CCM2L: variants seen among roughly 807,000 people sequenced by gnomAD.
CCM2L encodes CCM2 like scaffold protein, also known as cerebral cavernous malformations 2 protein-like.
A neutral mutation model predicts 54.1 loss-of-function variants in CCM2L; 36 were observed. The observed-to-expected ratio is 0.67, with a 90% confidence interval of 0.51 to 0.88. The LOEUF (loss-of-function observed/expected upper bound fraction) is 0.88. CCM2L is among the 40% of genes least tolerant of loss of function. The probability of loss-of-function intolerance (pLI) is 0.00; values close to 1 mark genes in which losing one functional copy is unlikely to be tolerated. For missense variants in CCM2L, 700 were observed against 812.1 expected (o/e 0.86, Z 1.68); for synonymous variants, 351 against 359.3 (o/e 0.98, Z 0.26).
At position 32,019,028 on chromosome 20, in the gene CCM2L, C is replaced by G. The variant is rs890773980; in HGVS notation, c.552C>G (p.Pro184=). 3.0e-6 allele frequency: 4 copies of G among 1,323,208 alleles called. No homozygotes were observed. The highest frequency in any genetic ancestry group is 4.2e-5 in the Admixed American group (1 of 23,908). The allele number at this position is 1,323,208 out of a possible 1,614,324, so 82.0% of individuals were successfully genotyped here. Residue 184 remains proline (P), a synonymous_variant, in exon 5 of 10, where the codon CCC becomes CCG. Transcript: ENST00000452892. ...ACCCCGGCCCGCCAGGCGGGGCGCC[C>G]GAGAAGCGGCGGGTGGGCACCGCGG... is the stretch of plus-strand genomic sequence containing the variant. ...GRDPGPPGGA[P]EKRRVGTAER...
chr20:32,022,723 A>G lies in CCM2L; in HGVS notation c.997A>G (p.Ser333Gly). Residue 333 changes from serine (S) to glycine (G), a missense_variant, in exon 6 of 10, where the codon AGT becomes GGT. Ser to Gly is a moderately conservative substitution (Grantham distance 56, BLOSUM62 0). Transcript: ENST00000452892. The part of the protein sequence containing the change: ...QVFQIIYGDQ[S>G]IECVDRAGYH... ...CTTCCAGATCATCTACGGGGACCAG[A>G]GTATTGAGTGTGTGGACCGGGCTGG... 6.2e-7 allele frequency: 1 copy of G among 1,614,110 alleles called. No individual in the cohort carries two copies. Among genetic ancestry groups the G allele is most frequent in the Middle Eastern group, 1.7e-4 (1 of 6,022 alleles).
At position 32,031,364 on chromosome 20, in the gene CCM2L, G is replaced by C; in HGVS notation, c.*50G>C. On this transcript the variant is annotated 3_prime_UTR_variant, in exon 10 of 10. Coordinates refer to ENST00000452892, the MANE Select transcript of CCM2L (RefSeq NM_001365692.1). ...CTCAGCAGCCCACCTCTGAGTCTCA[G>C]CTTTGCTTCGGGGACCCTATCCCCA... 8.2e-7 allele frequency: 1 copy of C among 1,220,324 alleles called. No individual in the cohort carries two copies. The highest frequency in any genetic ancestry group is 1.0e-6 in the Non-Finnish European group (1 of 956,906). 75.6% of individuals were successfully genotyped at this position (1,220,324 alleles called of 1,614,324 possible). A position where few individuals can be genotyped will look rare whatever the true frequency, so the allele number is the denominator to read the frequency against.
chr20:32,026,286 T>C (rs1302708656), intron 7 of CCM2L, among the ~76,000 whole-genome samples: 3 of 152,222 alleles, frequency 2.0e-5, no homozygotes, highest in Non-Finnish European at 4.4e-5. Flanking sequence ...GATAGAACTT[T>C]TTTTTCTTAT....
intron 1 of CCM2L, among the ~76,000 whole-genome samples, chr20:32,012,305 C>T (rs73102697): frequency 0.01 from 1,564 of 152,136 alleles, 9 homozygotes; most frequent in Middle Eastern, 0.017. Flanking sequence ...CGCCTGTAAT[C>T]GCAACACTTT....
Position 32,029,100 on chromosome 20 carries a change from G to A in CCM2L, c.1239G>A (p.Glu413=). Residue 413 remains glutamate (E), a synonymous_variant, in exon 8 of 10, where the codon GAG becomes GAA. Transcript: ENST00000452892. ...SGSDHSSLGL[E]QLQDYMVTLR... Reference sequence around the variant, plus strand: ...GCGACCACAGCAGTCTGGGCTTGGAGCAGTTACAGGATTACATGGTCACGG... The same window carrying A: ...GCGACCACAGCAGTCTGGGCTTGGAACAGTTACAGGATTACATGGTCACGG... The A allele has an allele frequency of 6.2e-7, 1 of 1,614,218 alleles. No homozygotes were observed. The highest frequency in any genetic ancestry group is 8.5e-7 in the Non-Finnish European group (1 of 1,180,040).
intron 1 of CCM2L, among the ~76,000 whole-genome samples, chr20:32,014,511 C>T (rs191531724): frequency 1.1e-3 from 175 of 152,256 alleles, no homozygotes; most frequent in Non-Finnish European, 1.9e-3. Context: ...AGTGATCCAC[C>T]CGCCTTGGCC....
At position 32,017,821 on chromosome 20, in the gene CCM2L, G is replaced by A. The variant is rs1306782725; in HGVS notation, c.220G>A (p.Val74Met). 1.2e-6 allele frequency: 2 copies of A among 1,613,964 alleles called. No homozygotes were observed. Among genetic ancestry groups the A allele is most frequent in the Admixed American group, 1.7e-5 (1 of 59,998 alleles). Residue 74 changes from valine to methionine, a missense_variant, in exon 3 of 10, where the codon GTG becomes ATG. Val to Met is a conservative substitution (Grantham distance 21). Coordinates refer to ENST00000452892, the MANE Select transcript of CCM2L (RefSeq NM_001365692.1). ...EVKFLGHLTW[V>M]TSSLNPSSRD... ...CCAGTTCCTGGGCCACCTTACCTGG[G>A]TGACTTCCTCACTGAACCCCTCCAG... is the stretch of plus-strand genomic sequence containing the variant.
rs1359931283 is a variant in CCM2L at position 32,024,272 on chromosome 20, C to G, written c.1069+1477C>G. Among the ~76,000 whole-genome samples the G allele has an allele frequency of 3.3e-5, 5 of 152,354 alleles. No homozygotes were observed. The East Asian group carries it at 9.6e-4, about 29-fold the overall frequency. On this transcript the variant is annotated intron_variant, in intron 6 of 9. Transcript: ENST00000452892. ...AGTGCTCGTTCTTTTCTTCAGAAGA[C>G]CCTCGCATCTGTGGGAGCTGTGCTT...
chr20:32,018,922 C>G (rs1056635764), intron 4 of CCM2L, 21 bp from the exon 5 acceptor site: 1 of 1,295,956 alleles, frequency 7.7e-7, no homozygotes, highest in East Asian at 3.2e-5. Flanking sequence ...CCGCGGCTGA[C>G]GGTCCCCCGG....
At chr20:32,010,565 G>T in intron 1 of CCM2L, 81 bp downstream of exon 1, 1 of 1,077,770 alleles carries the variant, frequency 9.3e-7, no homozygotes, top group South Asian at 1.4e-5. Flanking sequence ...CGGGGTGGGG[G>T]GTCGGTAGCG....
chr20:32,018,887 C>T, intron 4 of CCM2L, 56 bp from the exon 5 acceptor site: 1 of 1,246,186 alleles, frequency 8.0e-7, no homozygotes, highest in Non-Finnish European at 1.0e-6. Context: ...CTCGGCGGGG[C>T]GGGGGGGTCT....
At chr20:32,024,566 C>T (rs2064836417) in intron 6 of CCM2L, among the ~76,000 whole-genome samples, 1 of 152,172 alleles carries the variant, frequency 6.6e-6, no homozygotes, top group African/African-American at 2.4e-5. Context: ...GTGGCTCACA[C>T]CTGTAATCCC....
chr20:32,019,384 T>C lies in CCM2L; in HGVS notation c.908T>C (p.Leu303Pro). 1 of 1,522,088 alleles carries C rather than the reference T, an allele frequency of 6.6e-7. No individual in the cohort carries two copies. The highest frequency in any genetic ancestry group is 8.8e-7 in the Non-Finnish European group (1 of 1,141,758). The allele number at this position is 1,522,088 out of a possible 1,614,324, so 94.3% of individuals were successfully genotyped here. A position where few individuals can be genotyped will look rare whatever the true frequency, so the allele number is the denominator to read the frequency against. ...QDPSPDAYCN[L>P]VILAVANRDA... is the part of the protein sequence containing the mutation. ...CCCAGCCCCGACGCCTACTGCAACC[T>C]GGTCATCCTGGCTGTAGCCAACAGG... The change falls in exon 5 of 10, where the codon CTG becomes CCG. Residue 303 changes from leucine (L) to proline (P), a missense_variant. Transcript: ENST00000452892.
chr20:32,025,387 G>A (rs1397802112), intron 6 of CCM2L, among the ~76,000 whole-genome samples: 1 of 151,604 alleles, frequency 6.6e-6, no homozygotes, highest in East Asian at 1.9e-4. Context: ...TTCTATGTCA[G>A]CCTCTCAAGT....
chr20:32,014,136 A>C (rs2064717266), intron 1 of CCM2L, among the ~76,000 whole-genome samples: 1 of 151,852 alleles, frequency 6.6e-6, no homozygotes, highest in South Asian at 2.1e-4. Flanking sequence ...CTTTTAGGAA[A>C]GCACAGAGAA....
At chr20:32,018,466 A>G (rs2064763074) in intron 4 of CCM2L, among the ~76,000 whole-genome samples, 1 of 150,774 alleles carries the variant, frequency 6.6e-6, no homozygotes, top group Non-Finnish European at 1.5e-5. Flanking sequence ...CCCAAGACCT[A>G]GGCCAGGGCT....
chr20:32,013,420 T>G (rs1159897550), intron 1 of CCM2L, among the ~76,000 whole-genome samples: 2 of 152,108 alleles, frequency 1.3e-5, no homozygotes, highest in East Asian at 3.9e-4. Flanking sequence ...AGTTCGTGTG[T>G]GTGTGGAGTG....
At chr20:32,015,406 A>G (rs1486766151) in intron 2 of CCM2L, among the ~76,000 whole-genome samples, 1 of 152,262 alleles carries the variant, frequency 6.6e-6, no homozygotes, top group Non-Finnish European at 1.5e-5. Flanking sequence ...ACTCAGGAAT[A>G]GGCATTGCAA....
chr20:32,028,997 A>G lies in CCM2L; in HGVS notation c.1136A>G (p.Asn379Ser). Residue 379 changes from asparagine (N) to serine (S), a missense_variant and splice_region_variant, in exon 8 of 10, where the codon AAT becomes AGT. Asn to Ser is a conservative substitution (Grantham distance 46, BLOSUM62 1). Coordinates refer to ENST00000452892, the MANE Select transcript of CCM2L (RefSeq NM_001365692.1). ...GGCCCTTCTTCCCGTGCCTGCAGTA[A>G]TGGCTCCCAGGACACCTTTGAAGCA... is the stretch of plus-strand genomic sequence containing the variant. Reference protein sequence around the residue: ...DADFSCCSSFNGSQDTFEACY... With the variant: ...DADFSCCSSFSGSQDTFEACY... 6.2e-7 allele frequency: 1 copy of G among 1,614,062 alleles called. No homozygotes were observed. Among genetic ancestry groups the G allele is most frequent in the Non-Finnish European group, 8.5e-7 (1 of 1,179,978 alleles).
Sources: allele counts gnomAD v4.1 joint callset (sites outside exome capture counted in the v4.1 genomes callset), GRCh38; gene constraint gnomAD v4.1.1; transcripts MANE v1.5; gene names NCBI Gene and HGNC (gene_info 2026-07-23, HGNC 2026-07-21).